The following CSMD1 variants were observed in gnomAD, a reference collection of about 807,000 sequenced individuals.
CSMD1 encodes the protein CUB and sushi domain-containing protein 1.
Under a neutral mutation model 417.5 loss-of-function variants are expected in CSMD1, and 213 were observed. The observed-to-expected ratio is 0.51, with a 90% CI of 0.46 to 0.57. The LOEUF is 0.57. Among genes scored for constraint, CSMD1 ranks in the 20% least tolerant of loss-of-function variants. The pLI is 0.00. For missense variants in CSMD1, 6,923 were observed against 4,529.7 expected (o/e 1.53, Z -15.17); for synonymous variants, 2,862 against 1,736.8 (o/e 1.65, Z -16.11).
intron 3 of CSMD1, among the ~76,000 whole-genome samples, chr8:4,157,071 G>T (rs770489972): frequency 2.6e-5 from 4 of 152,268 alleles, no homozygotes; most frequent in Middle Eastern, 6.8e-3. Context: ...AACAGGGATG[G>T]ACCCGCCATG....
intron 2 of CSMD1, among the ~76,000 whole-genome samples, chr8:4,532,229 C>T (rs1414750059): frequency 6.6e-6 from 1 of 151,176 alleles, no homozygotes; most frequent in Non-Finnish European, 1.5e-5. Flanking sequence ...TTCACAGTCA[C>T]TCCGGAAGAG....
At chr8:4,136,248 G>T (rs1263183802) in intron 3 of CSMD1, among the ~76,000 whole-genome samples, 2 of 152,136 alleles carry the variant, frequency 1.3e-5, no homozygotes, top group Non-Finnish European at 2.9e-5. Context: ...AACCAGACTT[G>T]ACAGATTGTA....
chr8:3,949,903 G>C (rs1811491880), intron 5 of CSMD1: 3 of 455,758 alleles, frequency 6.6e-6, no homozygotes, highest in South Asian at 4.6e-5. Flanking sequence ...GCCTCCATGG[G>C]AAGCTCCAGG....
chr8:4,173,658 C>A (rs1267442977), intron 3 of CSMD1, among the ~76,000 whole-genome samples: 2 of 151,854 alleles, frequency 1.3e-5, no homozygotes, highest in East Asian at 3.9e-4. Context: ...TTTTCAGACC[C>A]AAAACTGTGA....
intron 48 of CSMD1, among the ~76,000 whole-genome samples, chr8:3,088,630 C>T (rs1445283438): frequency 6.6e-6 from 1 of 151,952 alleles, no homozygotes; most frequent in Non-Finnish European, 1.5e-5. Context: ...AGTACCATTT[C>T]CTTTTTTTTA....
chr8:3,778,389 G>T (rs1352150401), intron 5 of CSMD1, among the ~76,000 whole-genome samples: 1 of 152,190 alleles, frequency 6.6e-6, no homozygotes, highest in South Asian at 2.1e-4. Flanking sequence ...ACCGGGGGCA[G>T]AAACAAATAA....
chr8:4,486,513 T>C (rs922813754), intron 2 of CSMD1, among the ~76,000 whole-genome samples: 9 of 151,968 alleles, frequency 5.9e-5, no homozygotes, highest in African/African-American at 1.9e-4. Context: ...GATGTTTATA[T>C]TGTACATTTT....
At chr8:3,772,571 ATATATACACATATATT>A in intron 5 of CSMD1, among the ~76,000 whole-genome samples, 1 of 139,034 alleles carries the variant, frequency 7.2e-6, no homozygotes, top group Admixed American at 7.8e-5. Context: ...ATATATATAC[ATATATACACATATATT>A]TATATACATA....
At chr8:2,998,874 AT>A (rs1299076372) in intron 53 of CSMD1, among the ~76,000 whole-genome samples, 1 of 152,082 alleles carries the variant, frequency 6.6e-6, no homozygotes, top group Non-Finnish European at 1.5e-5. Flanking sequence ...CTTGTCAACA[AT>A]TTTTTTCCTA....
intron 1 of CSMD1, among the ~76,000 whole-genome samples, chr8:4,685,198 G>C (rs890531081): frequency 6.6e-6 from 1 of 152,190 alleles, no homozygotes; most frequent in Non-Finnish European, 1.5e-5. Flanking sequence ...AATCTCAAAT[G>C]AGAATAATGG....
At chr8:4,445,974 C>G (rs1585088184) in intron 2 of CSMD1, among the ~76,000 whole-genome samples, 2 of 152,092 alleles carry the variant, frequency 1.3e-5, no homozygotes, top group South Asian at 4.1e-4. Flanking sequence ...GAAAGGATAG[C>G]AACAATGTCA....
At chr8:3,529,441 T>C (rs1183721266) in intron 10 of CSMD1, among the ~76,000 whole-genome samples, 1 of 152,204 alleles carries the variant, frequency 6.6e-6, no homozygotes, top group African/African-American at 2.4e-5. Flanking sequence ...GCAGGAATTT[T>C]TGTAAGACAG....
At chr8:3,220,021 T>C (rs1393095186) in intron 28 of CSMD1, among the ~76,000 whole-genome samples, 45 of 151,962 alleles carry the variant, frequency 3.0e-4, no homozygotes, top group Admixed American at 3.0e-3. Context: ...GGTGCACACT[T>C]GTAGTCCTAG....
intron 18 of CSMD1, among the ~76,000 whole-genome samples, chr8:3,383,020 T>C (rs1469714030): frequency 3.3e-5 from 5 of 152,030 alleles, no homozygotes; most frequent in African/African-American, 1.2e-4. Context: ...AGAAACAGGA[T>C]CTCAAATACC....
At chr8:4,328,438 A>C (rs1411027873) in intron 3 of CSMD1, among the ~76,000 whole-genome samples, 2 of 151,914 alleles carry the variant, frequency 1.3e-5, no homozygotes, top group Non-Finnish European at 2.9e-5. Flanking sequence ...AATTTATACA[A>C]ATTTCGGTTG....
chr8:3,608,513 C>T (rs1388610308), intron 8 of CSMD1, among the ~76,000 whole-genome samples: 7 of 152,044 alleles, frequency 4.6e-5, no homozygotes, highest in African/African-American at 1.7e-4. Flanking sequence ...CCTGTAATCC[C>T]AGCACTTAGG....
chr8:4,285,958 A>G (rs749492267), intron 3 of CSMD1, among the ~76,000 whole-genome samples: 1 of 152,198 alleles, frequency 6.6e-6, no homozygotes, highest in Non-Finnish European at 1.5e-5. Context: ...CCGCAATGCT[A>G]TAATTACACG....
At chr8:3,753,308 G>A (rs142022586) in intron 6 of CSMD1, among the ~76,000 whole-genome samples, 12 of 152,070 alleles carry the variant, frequency 7.9e-5, no homozygotes, top group African/African-American at 2.7e-4. Flanking sequence ...GTGTTAATAA[G>A]GATTACTCAT....
intron 6 of CSMD1, among the ~76,000 whole-genome samples, chr8:3,737,600 G>C (rs565148272): frequency 7.2e-5 from 11 of 152,126 alleles, no homozygotes; most frequent in Non-Finnish European, 1.5e-4. Context: ...ACTGTCAAGA[G>C]AGATCACCCT....
Sources: gnomAD v4.1 joint callset for allele counts (sites outside exome capture counted in the v4.1 genomes callset) on GRCh38, gnomAD v4.1.1 for gene constraint, MANE v1.5 for transcripts, NCBI Gene and HGNC (gene_info 2026-07-23, HGNC 2026-07-21) for gene names.